The following SEC23A variants were observed in gnomAD, a reference collection of about 807,000 sequenced individuals.
The protein encoded by SEC23A is SEC23 homolog A, COPII component.
SEC23A carries 56 observed loss-of-function variants against 103.7 expected under a neutral mutation model. The ratio of observed to expected loss-of-function variants is 0.54; its 90% CI spans 0.44 to 0.67. SEC23A has a LOEUF of 0.67. Among genes scored for constraint, SEC23A ranks in the 30% least tolerant of loss-of-function variants. SEC23A has a pLI of 0.00. For synonymous variants in SEC23A, 281 were observed against 293.0 expected (o/e 0.96, Z 0.42); for missense variants, 784 against 936.4 (o/e 0.84, Z 2.12).
intron 12 of SEC23A, 140 bp from the exon 13 acceptor site, chr14:39,062,011 C>CAGTT: frequency 1.5e-6 from 1 of 665,000 alleles, no homozygotes; most frequent in Non-Finnish European, 2.7e-6. Context: ...GCATTCAAAA[C>CAGTT]AGTTATAATT....
chr14:39,049,982 A>G (rs1293716448), intron 14 of SEC23A, among the ~76,000 whole-genome samples: 1 of 151,826 alleles, frequency 6.6e-6, no homozygotes, highest in Non-Finnish European at 1.5e-5. Flanking sequence ...GTTAGCCAGG[A>G]TGGTCTCGAT....
chr14:39,049,704 G>C (rs1475397453), intron 14 of SEC23A, among the ~76,000 whole-genome samples: 1 of 151,824 alleles, frequency 6.6e-6, no homozygotes, highest in Admixed American at 6.6e-5. Context: ...CTTGAGCCTA[G>C]GAGGTTGAGG....
rs1885787532 is a variant in SEC23A at position 39,045,182 on chromosome 14, G to C, written c.1880C>G (p.Ser627Cys). Residue 627 changes from serine to cysteine, a missense_variant, in exon 16 of 20, where the codon TCT (serine) becomes TGT (cysteine). Ser to Cys is a moderately radical substitution (Grantham distance 112). Coordinates refer to ENST00000307712, the MANE Select transcript of SEC23A (RefSeq NM_006364.4). ...IMIQPILYAY[S>C]FSGPPEPVLL... The stretch of plus-strand genomic sequence containing the variant: ...TCTTACCTCTGGTGGTCCACTAAAA[G>C]AATACGCATACAGGATAGGCTGAAT... 6.2e-7 allele frequency: 1 copy of C among 1,613,494 alleles called. No homozygotes were observed. Among genetic ancestry groups the C allele is most frequent in the South Asian group, 1.1e-5 (1 of 91,068 alleles).
rs922246990 is a variant in SEC23A, at chr14:39,086,963, C to A, written c.649G>T (p.Gly217Cys). The stretch of plus-strand genomic sequence containing the variant: ...GGAGGTGGCTGCTGTACCTGAGGAC[C>A]ACGTGTTGCTTGAGTAAGTGGTACT... ...SKVPLTQATR[G>C]PQVQQPPPSN... Residue 217 changes from glycine to cysteine, a missense_variant, in exon 6 of 20, where the codon GGT (glycine) becomes TGT (cysteine). By Grantham distance (159) the Gly-to-Cys change is radical (BLOSUM62 -3). Coordinates refer to ENST00000307712, the MANE Select transcript of SEC23A (RefSeq NM_006364.4). 12 of 1,597,888 alleles carry A rather than the reference C, an allele frequency of 7.5e-6. No individual in the cohort carries two copies. Among genetic ancestry groups the A allele is most frequent in the Admixed American group, 6.7e-5 (4 of 59,968 alleles).
intron 12 of SEC23A, among the ~76,000 whole-genome samples, chr14:39,062,367 T>C (rs2139226803): frequency 6.6e-6 from 1 of 152,212 alleles, no homozygotes; most frequent in Admixed American, 6.5e-5. Context: ...TTTCTTTGAG[T>C]GTCATGTCAG....
At chr14:39,073,122 G>A (rs1456165595) in intron 9 of SEC23A, among the ~76,000 whole-genome samples, 1 of 152,142 alleles carries the variant, frequency 6.6e-6, no homozygotes, top group Non-Finnish European at 1.5e-5. Flanking sequence ...TAAACAAAAT[G>A]TGGTGTATCC....
chr14:39,046,769 G>T (rs1438337609), intron 15 of SEC23A, among the ~76,000 whole-genome samples: 2 of 152,118 alleles, frequency 1.3e-5, no homozygotes, highest in East Asian at 3.8e-4. Context: ...GGAGAGTTAG[G>T]CCTGAATAAT....
At chr14:39,063,286 C>T (rs771173763) in intron 12 of SEC23A, 38 bp downstream of exon 12, 17 of 1,196,508 alleles carry the variant, frequency 1.4e-5, no homozygotes, top group Non-Finnish European at 2.1e-5. Context: ...TTCAAATGTA[C>T]GTTGTACGTT....
At chr14:39,044,608 T>C (rs1212635019) in intron 16 of SEC23A, among the ~76,000 whole-genome samples, 2 of 152,144 alleles carry the variant, frequency 1.3e-5, no homozygotes, top group African/African-American at 2.4e-5. Context: ...AATGGAAAAA[T>C]GGTTCATTTG....
chr14:39,091,806 A>C, intron 4 of SEC23A, 93 bp from the exon 5 acceptor site: 1 of 859,512 alleles, frequency 1.2e-6, no homozygotes, highest in East Asian at 2.5e-5. Context: ...ACGAATACAA[A>C]AGAATCCTAG....
chr14:39,094,369 TATATAC>T lies in SEC23A; in HGVS notation c.222-1131_222-1126del, dbSNP rs1411301525. Among the ~76,000 whole-genome samples the T allele has an allele frequency of 1.8e-3, 31 of 17,714 alleles. 3 individuals carry two copies. The highest frequency in any genetic ancestry group is 4.8e-3 in the African/African-American group (24 of 5,026). 11.6% of individuals were successfully genotyped at this position (17,714 alleles called of 152,430 possible). ...ATGCATATATACACATATACATATA[TATATAC>T]ACACACACACACACACACACACATA... On this transcript the variant is annotated intron_variant, in intron 2 of 19. Coordinates refer to ENST00000307712, the MANE Select transcript of SEC23A (RefSeq NM_006364.4).
intron 17 of SEC23A, 165 bp from the exon 18 acceptor site, chr14:39,041,052 T>C: frequency 3.1e-6 from 2 of 644,268 alleles, no homozygotes; most frequent in Non-Finnish European, 4.8e-6. Flanking sequence ...AAAATATTCT[T>C]AATAAATATA....
At chr14:39,053,235 C>T (rs1886129064) in intron 14 of SEC23A, among the ~76,000 whole-genome samples, 2 of 152,174 alleles carry the variant, frequency 1.3e-5, no homozygotes, top group Non-Finnish European at 2.9e-5. Context: ...ATGCTGGAGA[C>T]ATCTGTGTAT....
chr14:39,075,194 T>C (rs538649837), intron 8 of SEC23A, among the ~76,000 whole-genome samples: 1 of 151,710 alleles, frequency 6.6e-6, no homozygotes, highest in South Asian at 2.1e-4. Context: ...ATAGAGAAAA[T>C]ACAAAAAGCA....
intron 14 of SEC23A, among the ~76,000 whole-genome samples, chr14:39,053,580 TA>T (rs888272658): frequency 2.6e-5 from 4 of 151,224 alleles, no homozygotes; most frequent in African/African-American, 7.3e-5. Context: ...GGTACTAGTA[TA>T]AAAAAAACTC....
At chr14:39,047,092 C>T (rs574900468) in intron 15 of SEC23A, among the ~76,000 whole-genome samples, 4 of 152,246 alleles carry the variant, frequency 2.6e-5, no homozygotes, top group African/African-American at 9.6e-5. Flanking sequence ...GAAGACTTCC[C>T]TTAAATTTGG....
At chr14:39,042,967 T>TTTTATTTA (rs748814429) in intron 16 of SEC23A, 95 bp from the exon 17 acceptor site, 16 of 810,708 alleles carry the variant, frequency 2.0e-5, no homozygotes, top group Middle Eastern at 3.5e-4. Context: ...TCCAAGTTTC[T>TTTTATTTA]TTTATTTATT....
chr14:39,057,735 C>A (rs549588768), intron 13 of SEC23A, among the ~76,000 whole-genome samples: 2 of 152,208 alleles, frequency 1.3e-5, no homozygotes, highest in Admixed American at 1.3e-4. Context: ...TATGCAAGTC[C>A]CTATATCCAA....
At chr14:39,045,077 T>C (rs1885782402) in intron 16 of SEC23A, 86 bp downstream of exon 16, 2 of 1,098,340 alleles carry the variant, frequency 1.8e-6, no homozygotes, top group African/African-American at 1.6e-5. Context: ...ATTTAGTAAC[T>C]ATATGCATTT....
Sources: gnomAD v4.1 joint callset for allele counts (sites outside exome capture counted in the v4.1 genomes callset) on GRCh38, gnomAD v4.1.1 for gene constraint, MANE v1.5 for transcripts, NCBI Gene and HGNC (gene_info 2026-07-23, HGNC 2026-07-21) for gene names.